DACH2: variants seen among roughly 807,000 people sequenced by gnomAD.
DACH2 encodes dachshund homolog 2.
DACH2 carries 17 observed loss-of-function variants against 35.8 expected under a neutral mutation model. The observed-to-expected ratio is 0.48, with a 90% CI of 0.33 to 0.71. The LOEUF is 0.71. Among genes scored for constraint, DACH2 ranks in the 30% least tolerant of loss-of-function variants. The pLI is 0.02. For missense variants in DACH2, 469 were observed against 472.7 expected, an observed-to-expected ratio of 0.99 and a Z score of 0.07; for synonymous variants, 195 against 177.3, an observed-to-expected ratio of 1.10 and a Z score of -0.79.
chrX:86,626,582 C>G (rs971516131), intron 3 of DACH2, among the ~76,000 whole-genome samples: 4 of 113,137 alleles, frequency 3.5e-5, no homozygotes, highest in African/African-American at 1.3e-4. Context: ...CATGAGAGCC[C>G]TGCCCCTGCA....
intron 1 of DACH2, among the ~76,000 whole-genome samples, chrX:86,348,301 G>T (rs73518185): frequency 1.4e-3 from 153 of 111,780 alleles, no homozygotes; most frequent in Non-Finnish European, 2.4e-3. Flanking sequence ...GAAGATGGAC[G>T]CAACTTCCAT....
At chrX:86,176,478 G>A (rs917820896) in intron 1 of DACH2, among the ~76,000 whole-genome samples, 4 of 111,273 alleles carry the variant, frequency 3.6e-5, no homozygotes, top group African/African-American at 9.8e-5. Flanking sequence ...TATCCTCCAC[G>A]TGTGCATTGT....
At chrX:86,695,844 G>A (rs1034994646) in intron 5 of DACH2, among the ~76,000 whole-genome samples, 2 of 111,016 alleles carry the variant, frequency 1.8e-5, no homozygotes, top group African/African-American at 3.3e-5. Context: ...ATTGTTAGAC[G>A]TTGGAGAAGT....
chrX:86,633,801 A>C (rs891347455), intron 3 of DACH2, among the ~76,000 whole-genome samples: 1 of 112,277 alleles, frequency 8.9e-6, no homozygotes, highest in Non-Finnish European at 1.9e-5. Flanking sequence ...TACACAAGAG[A>C]TGGAAGCATG....
intron 2 of DACH2, among the ~76,000 whole-genome samples, chrX:86,463,913 G>GA (rs751249895): frequency 3.6e-5 from 4 of 110,801 alleles, no homozygotes; most frequent in East Asian, 2.9e-4. Flanking sequence ...CAACAAACAC[G>GA]AAAAAAAACT....
chrX:86,281,338 G>A (rs2034024167), intron 1 of DACH2, among the ~76,000 whole-genome samples: 1 of 111,235 alleles, frequency 9.0e-6, no homozygotes, highest in Non-Finnish European at 1.9e-5. Context: ...ATGCAAGGCT[G>A]GTTAAACATA....
rs2036468348 is a variant in DACH2, at chrX:86,403,355, T to TA, written c.527+26499dup. On this transcript the variant is annotated intron_variant, in intron 2 of 11. Transcript: ENST00000373125. ...ACAGACAAAAACCAAAAAACTTCAT[T>TA]AAAAAATGGACAAAGGACATGAACA... is the stretch of plus-strand genomic sequence containing the variant. Among the ~76,000 whole-genome samples the TA allele has an allele frequency of 5.4e-5, 6 of 111,276 alleles. No individual in the cohort carries two copies. In the Admixed American group the frequency reaches 5.7e-4, roughly 11 times the overall value.
intron 2 of DACH2, among the ~76,000 whole-genome samples, chrX:86,387,428 C>T (rs746457471): frequency 6.6e-4 from 73 of 111,342 alleles, no homozygotes; most frequent in African/African-American, 2.2e-3. Context: ...AAATGCCATA[C>T]GAGTGGTAAA....
At chrX:86,469,485 A>G (rs2037728179) in intron 2 of DACH2, among the ~76,000 whole-genome samples, 1 of 111,224 alleles carries the variant, frequency 9.0e-6, no homozygotes, top group South Asian at 3.7e-4. Context: ...AAATTCTACA[A>G]GAGTCCAACA....
intron 1 of DACH2, among the ~76,000 whole-genome samples, chrX:86,341,537 T>C (rs759468126): frequency 3.6e-5 from 4 of 112,366 alleles, no homozygotes; most frequent in Admixed American, 9.5e-5. Context: ...CCTGCTAACA[T>C]AGCATCCATT....
chrX:86,671,349 A>G (rs1337957260), intron 4 of DACH2, among the ~76,000 whole-genome samples: 2 of 112,139 alleles, frequency 1.8e-5, no homozygotes, highest in Non-Finnish European at 3.8e-5. Context: ...CTTGATACCA[A>G]AAGTGTTATA....
intron 7 of DACH2, among the ~76,000 whole-genome samples, chrX:86,795,589 G>GA (rs996036975): frequency 2.5e-4 from 28 of 112,521 alleles, no homozygotes; most frequent in African/African-American, 9.0e-4. Flanking sequence ...AACAAATGCA[G>GA]AAATGGCTAA....
chrX:86,279,285 C>T (rs1395757926), intron 1 of DACH2, among the ~76,000 whole-genome samples: 3 of 111,924 alleles, frequency 2.7e-5, no homozygotes, highest in Non-Finnish European at 5.6e-5. Context: ...ACACCTCATA[C>T]AGGAGAGCTC....
chrX:86,678,468 G>C (rs1398908317), intron 4 of DACH2, among the ~76,000 whole-genome samples: 2 of 112,081 alleles, frequency 1.8e-5, no homozygotes, highest in Non-Finnish European at 3.8e-5. Context: ...AATTACTACA[G>C]TTTTCACTTG....
chrX:86,274,619 C>G (rs188673661), intron 1 of DACH2, among the ~76,000 whole-genome samples: 76 of 105,842 alleles, frequency 7.2e-4, no homozygotes, highest in Admixed American at 1.2e-3. Context: ...CTCAGCCTCT[C>G]GAGTAGCTGG....
chrX:86,296,442 G>T (rs920810901), intron 1 of DACH2, among the ~76,000 whole-genome samples: 2 of 103,234 alleles, frequency 1.9e-5, no homozygotes, highest in African/African-American at 3.5e-5. Context: ...TGACATATTT[G>T]ATATAATTTG....
At chrX:86,359,084 CGT>C (rs1556037574) in intron 1 of DACH2, among the ~76,000 whole-genome samples, 213 of 98,491 alleles carry the variant, frequency 2.2e-3, no homozygotes, top group African/African-American at 5.9e-3. Flanking sequence ...TATATTTTGT[CGT>C]GTGTGTGTGT....
chrX:86,505,850 T>TA (rs2038315481), intron 2 of DACH2, among the ~76,000 whole-genome samples: 1 of 112,032 alleles, frequency 8.9e-6, no homozygotes, highest in South Asian at 3.7e-4. Flanking sequence ...ATTTTGAAGT[T>TA]AATGAATTAT....
intron 4 of DACH2, among the ~76,000 whole-genome samples, chrX:86,662,364 C>T (rs1024280915): frequency 3.6e-5 from 4 of 111,468 alleles, no homozygotes; most frequent in East Asian, 2.8e-4. Context: ...GAGGCCGAGG[C>T]GGGCAGATCA....
Sources: gnomAD v4.1 joint callset for allele counts (sites outside exome capture counted in the v4.1 genomes callset) on GRCh38, gnomAD v4.1.1 for gene constraint, MANE v1.5 for transcripts, NCBI Gene and HGNC (gene_info 2026-07-23, HGNC 2026-07-21) for gene names.